CLYBL: variants seen among roughly 807,000 people sequenced by gnomAD.
CLYBL encodes citramalyl-CoA lyase, mitochondrial.
In CLYBL, 31 loss-of-function variants were observed where a neutral mutation model predicts 38.9. The observed-to-expected ratio is 0.80, with a 90% confidence interval of 0.60 to 1.08. The LOEUF (loss-of-function observed/expected upper bound fraction) is 1.08. Ranked by LOEUF, CLYBL falls within the 50% of genes least tolerant of loss-of-function variation. The pLI, the probability that CLYBL is intolerant of heterozygous loss-of-function variation, is 0.00. For synonymous variants in CLYBL, 171 were observed against 158.6 expected, an observed-to-expected ratio of 1.08 and a Z score of -0.59; for missense variants, 434 against 411.6, an observed-to-expected ratio of 1.05 and a Z score of -0.47.
chr13:99,808,587 A>C (rs1050445181), intron 2 of CLYBL, among the ~76,000 whole-genome samples: 1 of 152,232 alleles, frequency 6.6e-6, no homozygotes, highest in Non-Finnish European at 1.5e-5. Flanking sequence ...GACTGTATTA[A>C]ATTCATGAAT....
intron 1 of CLYBL, among the ~76,000 whole-genome samples, chr13:99,632,726 A>T (rs2139238674): frequency 6.6e-6 from 1 of 151,710 alleles, no homozygotes; most frequent in Admixed American, 6.6e-5. Flanking sequence ...GCCTGGTGAC[A>T]GAGTGAGACT....
chr13:99,762,268 GT>G (rs1473924083), intron 1 of CLYBL, among the ~76,000 whole-genome samples: 1 of 152,046 alleles, frequency 6.6e-6, no homozygotes, highest in Non-Finnish European at 1.5e-5. Flanking sequence ...CATTTCCCCA[GT>G]GTTTTTTTTC....
chr13:99,830,445 C>A (rs1357609262), intron 2 of CLYBL, among the ~76,000 whole-genome samples: 7 of 152,152 alleles, frequency 4.6e-5, no homozygotes. Context: ...GCACCTAGAG[C>A]CAGCCAAGGA....
At chr13:99,644,687 G>A (rs1307040022) in intron 1 of CLYBL, among the ~76,000 whole-genome samples, 1 of 152,062 alleles carries the variant, frequency 6.6e-6, no homozygotes, top group African/African-American at 2.4e-5. Context: ...CCCAGCCCCT[G>A]ATAACCAATA....
intron 1 of CLYBL, among the ~76,000 whole-genome samples, chr13:99,747,449 G>A (rs2048873291): frequency 6.6e-6 from 1 of 151,918 alleles, no homozygotes; most frequent in South Asian, 2.1e-4. Context: ...TCAGAAAAGC[G>A]TCAGTGTTTA....
intron 2 of CLYBL, among the ~76,000 whole-genome samples, chr13:99,817,860 C>T (rs922788387): frequency 2.8e-4 from 43 of 151,636 alleles, no homozygotes; most frequent in Admixed American, 2.2e-3. Context: ...TAAAATTAGT[C>T]GGGCGTGGTG....
At chr13:99,827,923 C>T (rs2050727875) in intron 2 of CLYBL, among the ~76,000 whole-genome samples, 1 of 152,154 alleles carries the variant, frequency 6.6e-6, no homozygotes, top group Non-Finnish European at 1.5e-5. Context: ...TGAATCAAAT[C>T]CATGTGTTGG....
At chr13:99,845,585 G>C (rs2051182134) in intron 2 of CLYBL, among the ~76,000 whole-genome samples, 1 of 152,224 alleles carries the variant, frequency 6.6e-6, no homozygotes, top group Non-Finnish European at 1.5e-5. Context: ...ATTAGCATTT[G>C]CTCGAGGAAA....
chr13:99,824,828 G>T (rs1265334439), intron 2 of CLYBL, among the ~76,000 whole-genome samples: 2 of 152,212 alleles, frequency 1.3e-5, no homozygotes, highest in African/African-American at 4.8e-5. Flanking sequence ...TTAATCCAAA[G>T]TTGGCTCCGC....
chr13:99,699,111 C>T (rs980236470), intron 1 of CLYBL, among the ~76,000 whole-genome samples: 1 of 152,068 alleles, frequency 6.6e-6, no homozygotes, highest in Non-Finnish European at 1.5e-5. Flanking sequence ...CTGGGACTGG[C>T]GCAGTGGCTC....
At chr13:99,687,423 A>G (rs1431654611) in intron 1 of CLYBL, among the ~76,000 whole-genome samples, 1 of 152,178 alleles carries the variant, frequency 6.6e-6, no homozygotes, top group Non-Finnish European at 1.5e-5. Context: ...CTATAGGATG[A>G]TCTCTTGGTG....
chr13:99,884,269 G>C (rs1374643834), intron 7 of CLYBL, among the ~76,000 whole-genome samples: 2 of 152,188 alleles, frequency 1.3e-5, no homozygotes, highest in Non-Finnish European at 2.9e-5. Flanking sequence ...ATAAAGGAGA[G>C]GAAAAGGGTG....
At chr13:99,751,650 G>A (rs149742351) in intron 1 of CLYBL, among the ~76,000 whole-genome samples, 59 of 152,338 alleles carry the variant, frequency 3.9e-4, no homozygotes, top group African/African-American at 1.4e-3. Context: ...CGGTTGCCAA[G>A]GGCCGAGGGG....
intron 1 of CLYBL, among the ~76,000 whole-genome samples, chr13:99,762,949 T>G (rs2049192835): frequency 6.6e-6 from 1 of 152,188 alleles, no homozygotes; most frequent in African/African-American, 2.4e-5. Context: ...TAGAATTGCT[T>G]TCTTGATATC....
chr13:99,866,434 G>A (rs1225834098), intron 6 of CLYBL, 27 bp downstream of exon 6: 2 of 1,590,032 alleles, frequency 1.3e-6, no homozygotes, highest in South Asian at 2.3e-5. Flanking sequence ...AGAAAGCAGT[G>A]TCTAAATTAG....
chr13:99,636,972 C>G (rs1414653367), intron 1 of CLYBL, among the ~76,000 whole-genome samples: 2 of 152,158 alleles, frequency 1.3e-5, no homozygotes, highest in Non-Finnish European at 2.9e-5. Context: ...ATCCCCCAGC[C>G]AGGCTCAAGC....
downstream of CLYBL, among the ~76,000 whole-genome samples, chr13:99,899,531 G>A: frequency 6.6e-6 from 1 of 152,122 alleles, no homozygotes; most frequent in East Asian, 1.9e-4. Flanking sequence ...GGGGCAATGG[G>A]GAGTTACTGT....
intron 9 of CLYBL, among the ~76,000 whole-genome samples, chr13:99,907,000 A>T (rs188881575): frequency 2.7e-4 from 41 of 152,368 alleles, no homozygotes; most frequent in African/African-American, 9.9e-4. Flanking sequence ...CCTCATTGGC[A>T]AATACTACTT....
chr13:99,682,149 CT>C (rs1049976564), intron 1 of CLYBL, among the ~76,000 whole-genome samples: 70 of 144,912 alleles, frequency 4.8e-4, no homozygotes, highest in Non-Finnish European at 4.9e-4. Context: ...CTTTTCTTTT[CT>C]TTTTTTTTTT....
Sources: gnomAD v4.1 joint callset for allele counts (sites outside exome capture counted in the v4.1 genomes callset) on GRCh38, gnomAD v4.1.1 for gene constraint, MANE v1.5 for transcripts, NCBI Gene and HGNC (gene_info 2026-07-23, HGNC 2026-07-21) for gene names.